Variants in NOTCH2 observed in about 807,000 individuals in gnomAD.
NOTCH2 encodes the protein neurogenic locus notch homolog protein 2.
NOTCH2 carries 29 observed loss-of-function variants against 235.8 expected under a neutral mutation model. The ratio of observed to expected loss-of-function variants is 0.12; its 90% CI spans 0.09 to 0.17. The LOEUF (loss-of-function observed/expected upper bound fraction) is 0.17. Ranked by LOEUF, NOTCH2 falls within the 10% of genes least tolerant of loss-of-function variation. NOTCH2 has a pLI of 1.00. For missense variants in NOTCH2, 2,285 were observed against 3,150.2 expected, an observed-to-expected ratio of 0.73 and a Z score of 6.57; for synonymous variants, 1,086 against 1,141.5, an observed-to-expected ratio of 0.95 and a Z score of 0.98.
At chr1:120,003,724 G>A (rs1237481782) in intron 3 of NOTCH2, among the ~76,000 whole-genome samples, 1 of 151,844 alleles carries the variant, frequency 6.6e-6, no homozygotes, top group African/African-American at 2.4e-5. Flanking sequence ...ACAATAAAAT[G>A]TGATACATAA....
chr1:120,004,768 C>T (rs1230102003), intron 3 of NOTCH2, among the ~76,000 whole-genome samples: 1 of 151,746 alleles, frequency 6.6e-6, no homozygotes, highest in African/African-American at 2.4e-5. Context: ...GATTCCCCAT[C>T]CTGGTGTACA....
chr1:119,966,920 A>C (rs1553199734), intron 8 of NOTCH2, among the ~76,000 whole-genome samples: 2 of 152,216 alleles, frequency 1.3e-5, no homozygotes, highest in Non-Finnish European at 2.9e-5. Flanking sequence ...AGCCTTAATC[A>C]GGCAGAGCAG....
chr1:119,982,719 A>C (rs1570714264), intron 5 of NOTCH2, among the ~76,000 whole-genome samples: 1 of 152,228 alleles, frequency 6.6e-6, no homozygotes, highest in African/African-American at 2.4e-5. Flanking sequence ...CCCTATAAAG[A>C]AGTAAATCAT....
In NOTCH2 at chr1:119,911,902, A is replaced by T. The variant is rs144554891; in HGVS notation, c.*3404T>A. 887 of 233,176 alleles carry T rather than the reference A, an allele frequency of 3.8e-3. 1 individual carries two copies. The highest frequency in any genetic ancestry group is 5.4e-3 in the Non-Finnish European group (638 of 118,018). The allele number at this position is 233,176 out of a possible 1,614,324, so 14.4% of individuals were successfully genotyped here. A position where few individuals can be genotyped will look rare whatever the true frequency, so the allele number is the denominator to read the frequency against. On this transcript the variant is annotated 3_prime_UTR_variant, in exon 34 of 34. Coordinates refer to ENST00000256646, the MANE Select transcript of NOTCH2 (RefSeq NM_024408.4). ...TTTTCCCCAGGATCATTTATTTATG[A>T]TCTAATTAAAGGAAGAAAAAAAGAA...
chr1:119,967,545 A>G lies in NOTCH2; in HGVS notation c.1341T>C (p.Gly447=). The G allele has an allele frequency of 6.2e-7, 1 of 1,614,058 alleles. No individual in the cohort carries two copies. Among genetic ancestry groups the G allele is most frequent in the East Asian group, 2.2e-5 (1 of 44,866 alleles). ...CCATCTCACAACGAGGTCCTGCATA[A>G]CCCTTCAGACACTCACAGTGGAAGG... The part of the protein sequence containing the change: ...DGAFHCECLK[G]YAGPRCEMDI... Residue 447 remains glycine, a synonymous_variant, in exon 8 of 34, where the codon GGT becomes GGC. Coordinates refer to ENST00000256646, the MANE Select transcript of NOTCH2 (RefSeq NM_024408.4).
At position 119,963,786 on chromosome 1, in the gene NOTCH2, T is replaced by C; in HGVS notation, c.1703A>G (p.Glu568Gly). 5 of 1,614,070 alleles carry C rather than the reference T, an allele frequency of 3.1e-6. No homozygotes were observed. Among genetic ancestry groups the C allele is most frequent in the Non-Finnish European group, 3.4e-6 (4 of 1,179,944 alleles). The change falls in exon 11 of 34, where the codon GAG becomes GGG. Residue 568 changes from glutamate to glycine, a missense_variant. Glu to Gly is a moderately conservative substitution (Grantham distance 98). Coordinates refer to ENST00000256646, the MANE Select transcript of NOTCH2 (RefSeq NM_024408.4). Reference sequence around the variant, plus strand: ...GGGGTCACAGTTGTCAATGTTCTCCTCACACAACACACCAGTGAAACCTTT... The same window carrying C: ...GGGGTCACAGTTGTCAATGTTCTCCCCACACAACACACCAGTGAAACCTTT... ...CATGFTGVLC[E>G]ENIDNCDPDP...
rs1649321881 is a variant in NOTCH2 at position 119,922,511 on chromosome 1, A to T, written c.5003-65T>A. ...ATTAACCTCTCAATGTCAGCATTAG[A>T]TTCATTTAGAGGGCAACTTTGACCT... On this transcript the variant is annotated intron_variant, in intron 27 of 33. Coordinates refer to ENST00000256646, the MANE Select transcript of NOTCH2 (RefSeq NM_024408.4). 3.8e-6 allele frequency: 6 copies of T among 1,593,246 alleles called. No homozygotes were observed. In the South Asian group the frequency reaches 4.5e-5, roughly 12 times the overall value.
chr1:119,916,471 A>C lies in NOTCH2; in HGVS notation c.6251T>G (p.Ile2084Ser). Residue 2084 changes from isoleucine (I) to serine (S), a missense_variant, in exon 34 of 34, where the codon ATC (isoleucine) becomes AGC (serine). Ile to Ser is a moderately radical substitution (Grantham distance 142). Coordinates refer to ENST00000256646, the MANE Select transcript of NOTCH2 (RefSeq NM_024408.4). ...GAGGAAAGATCTGTTGGGCCCACAG[A>C]TGACAGGTGAGAGAGCAGAAGTCAA... ...TVLTSALSPVICGPNRSFLSL... is the reference protein window; with the variant it reads ...TVLTSALSPVSCGPNRSFLSL... The C allele has an allele frequency of 6.2e-7, 1 of 1,612,892 alleles. No individual in the cohort carries two copies.
intron 13 of NOTCH2, among the ~76,000 whole-genome samples, chr1:119,954,345 T>G (rs1650601055): frequency 6.6e-6 from 1 of 152,260 alleles, no homozygotes; most frequent in Non-Finnish European, 1.5e-5. Context: ...TGAAGGCTGC[T>G]ATACTCTGAA....
At chr1:119,975,837 T>C (rs1275228290) in intron 5 of NOTCH2, among the ~76,000 whole-genome samples, 2 of 152,106 alleles carry the variant, frequency 1.3e-5, no homozygotes, top group Non-Finnish European at 2.9e-5. Context: ...AAACAGCTCA[T>C]TATGGCTCTC....
chr1:119,926,616 GA>G lies in NOTCH2; in HGVS notation c.3893-6del. 2 of 1,592,922 alleles carry G rather than the reference GA, an allele frequency of 1.3e-6. No homozygotes were observed. The highest frequency in any genetic ancestry group is 1.7e-6 in the Non-Finnish European group (2 of 1,166,838). On this transcript the variant is annotated splice_region_variant and splice_polypyrimidine_tract_variant and intron_variant, in intron 23 of 33. Transcript: ENST00000256646. ...CGAAGGTTTCACAGTGCCGGCCTCA[GA>G]AAATAAAAAATAAAAAAGGTTTTAA...
Position 119,918,540 on chromosome 1 carries a change from T to C in NOTCH2, c.5795A>G (p.Asn1932Ser), listed in dbSNP as rs1387359334. 3 of 1,613,932 alleles carry C rather than the reference T, an allele frequency of 1.9e-6. No individual in the cohort carries two copies. The highest frequency in any genetic ancestry group is 2.5e-6 in the Non-Finnish European group (3 of 1,179,988). Reference protein sequence around the residue: ...AQGVFQILIRNRVTDLDARMN... With the variant: ...AQGVFQILIRSRVTDLDARMN... The stretch of plus-strand genomic sequence containing the variant: ...CCTGGCATCTAGATCAGTTACTCGG[T>C]TGCGAATCAGAATCTAGAAGAGGAG... The change falls in exon 32 of 34, where the codon AAC (asparagine) becomes AGC (serine). Residue 1932 changes from asparagine (N) to serine (S), a missense_variant. This residue lies in a region of NOTCH2 where 128 missense variants were observed against 255.9 expected (regional missense o/e 0.50). Coordinates refer to ENST00000256646, the MANE Select transcript of NOTCH2 (RefSeq NM_024408.4).
intron 5 of NOTCH2, 140 bp downstream of exon 5, chr1:119,986,820 C>G: frequency 9.6e-7 from 1 of 1,039,870 alleles, no homozygotes; most frequent in Non-Finnish European, 1.5e-6. Context: ...AAGCAATGAT[C>G]TAGCATGGAG....
At position 119,937,991 on chromosome 1, in the gene NOTCH2, C is replaced by A; in HGVS notation, c.3203G>T (p.Ser1068Ile). ...KNCQTLVNLC[S>I]RSPCKNKGTC... ...ACCTTTGTTTTTACATGGAGACCGA[C>A]TGCAGAGATTCACCAGGGTCTGAAA... is the stretch of plus-strand genomic sequence containing the variant. The change falls in exon 20 of 34, where the codon AGT becomes ATT. Residue 1068 changes from serine (S) to isoleucine (I), a missense_variant. Coordinates refer to ENST00000256646, the MANE Select transcript of NOTCH2 (RefSeq NM_024408.4). 1 of 1,614,222 alleles carries A rather than the reference C, an allele frequency of 6.2e-7. No individual in the cohort carries two copies. Among genetic ancestry groups the A allele is most frequent in the Admixed American group, 1.7e-5 (1 of 60,024 alleles).
chr1:120,014,115 TACTC>T (rs1653323087), intron 2 of NOTCH2, among the ~76,000 whole-genome samples: 3 of 151,962 alleles, frequency 2.0e-5, no homozygotes, highest in Non-Finnish European at 4.4e-5. Flanking sequence ...GACTTTTACT[TACTC>T]TCTCTTCTCT....
Position 119,968,177 on chromosome 1 carries a change from T to C in NOTCH2, c.1164A>G (p.Ala388=). 2 of 1,614,020 alleles carry C rather than the reference T, an allele frequency of 1.2e-6. No individual in the cohort carries two copies. The highest frequency in any genetic ancestry group is 1.7e-6 in the Non-Finnish European group (2 of 1,179,946). The change falls in exon 7 of 34, where the codon GCA becomes GCG. Residue 388 remains alanine, a synonymous_variant. Coordinates refer to ENST00000256646, the MANE Select transcript of NOTCH2 (RefSeq NM_024408.4). ...ACISNPCHKG[A]LCDTNPLNGQ... ...CATTTAGGGGGTTGGTGTCACACAG[T>C]GCCCCCTTGTGGCAAGGATTGCTGA...
Position 120,069,623 on chromosome 1 carries a change from G to A in NOTCH2, c.-217C>T, listed in dbSNP as rs1655692727. 1.5e-5 allele frequency: 21 copies of A among 1,404,672 alleles called. No homozygotes were observed. The South Asian group carries it at 2.8e-4, about 18-fold the overall frequency. The allele number at this position is 1,404,672 out of a possible 1,614,324, so 87.0% of individuals were successfully genotyped here. On this transcript the variant is annotated 5_prime_UTR_variant, in exon 1 of 34. Transcript: ENST00000256646. The stretch of plus-strand genomic sequence containing the variant: ...GCCGCCGCCTCAGCCGCCGCCCGAA[G>A]TTTGGCTGAAACTTTCTCGGGTGTG...
rs1484320486 is a variant in NOTCH2 at position 119,915,468 on chromosome 1, G to A, written c.7254C>T (p.Ser2418=). The A allele has an allele frequency of 6.2e-7, 1 of 1,614,154 alleles. No homozygotes were observed. Among genetic ancestry groups the A allele is most frequent in the East Asian group, 2.2e-5 (1 of 44,884 alleles). Residue 2418 remains serine (S), a synonymous_variant, in exon 34 of 34, where the codon TCC becomes TCT. Transcript: ENST00000256646. Reference sequence around the variant, plus strand: ...TTGACCACTGGTCAGGAGACTCTGGGGATGGTGTCAGGTAGGGATGCTCAC... The same window carrying A: ...TTGACCACTGGTCAGGAGACTCTGGAGATGGTGTCAGGTAGGGATGCTCAC... ...LQGEHPYLTP[S]PESPDQWSSS...
intron 1 of NOTCH2, among the ~76,000 whole-genome samples, chr1:120,067,736 C>T (rs1655562947): frequency 6.6e-6 from 1 of 152,212 alleles, no homozygotes; most frequent in South Asian, 2.1e-4. Flanking sequence ...AGCAAAAACA[C>T]CATCATATAT....
Sources: allele counts gnomAD v4.1 joint callset (sites outside exome capture counted in the v4.1 genomes callset), GRCh38; gene constraint gnomAD v4.1.1; regional missense constraint gnomAD v4.1.1; transcripts MANE v1.5; gene names NCBI Gene and HGNC (gene_info 2026-07-23, HGNC 2026-07-21).